Variants in VAT1L observed in about 807,000 individuals in gnomAD.
The protein encoded by VAT1L is vesicle amine transport 1 like, also known as putative NADPH-dependent quinone oxidoreductase VAT1L.
Under a neutral mutation model 44.1 loss-of-function variants are expected in VAT1L, and 34 were observed. That is an observed-to-expected ratio of 0.77 (90% CI 0.59 to 1.03). The LOEUF is 1.03. Ranked by LOEUF, VAT1L falls within the 50% of genes least tolerant of loss-of-function variation. The probability of loss-of-function intolerance (pLI) is 0.00; values close to 1 mark genes in which losing one functional copy is unlikely to be tolerated. For missense variants in VAT1L, 615 were observed against 538.8 expected, an observed-to-expected ratio of 1.14 and a Z score of -1.40; for synonymous variants, 253 against 202.2, an observed-to-expected ratio of 1.25 and a Z score of -2.13.
At chr16:77,856,511 A>G (rs2016860739) in intron 3 of VAT1L, among the ~76,000 whole-genome samples, 2 of 152,206 alleles carry the variant, frequency 1.3e-5, no homozygotes, top group South Asian at 2.1e-4. Context: ...GTAAGCCTTT[A>G]AAGAGATGAA....
chr16:77,893,767 A>G (rs1019359978), intron 7 of VAT1L, among the ~76,000 whole-genome samples: 3 of 152,186 alleles, frequency 2.0e-5, no homozygotes, highest in Admixed American at 1.3e-4. Context: ...ATACTTGCCC[A>G]TAGTCCCTGC....
chr16:77,853,093 G>C (rs981231380), intron 3 of VAT1L, among the ~76,000 whole-genome samples: 1 of 152,214 alleles, frequency 6.6e-6, no homozygotes, highest in Non-Finnish European at 1.5e-5. Flanking sequence ...AGCAGTCTAA[G>C]TAGAAGAAAA....
intron 1 of VAT1L, among the ~76,000 whole-genome samples, chr16:77,798,009 A>G (rs573951748): frequency 2.0e-5 from 3 of 152,196 alleles, no homozygotes; most frequent in Admixed American, 2.0e-4. Context: ...TGAACATGAT[A>G]TTTTCCTGAT....
Position 77,853,183 on chromosome 16 carries a change from G to A in VAT1L, c.580-9565G>A, listed in dbSNP as rs575064276. ...GGAAAACCCGGTGCACCGTGGCCAA[G>A]CATCAAGAGCCTCAGAGCCTGCTAA... is the stretch of plus-strand genomic sequence containing the variant. On this transcript the variant is annotated intron_variant, in intron 3 of 8. Coordinates refer to ENST00000302536, the MANE Select transcript of VAT1L (RefSeq NM_020927.3). 3.9e-5 allele frequency among the ~76,000 whole-genome samples: 6 copies of A among 152,336 alleles called. No individual in the cohort carries two copies. The East Asian group carries it at 5.8e-4, about 15-fold the overall frequency.
intron 1 of VAT1L, among the ~76,000 whole-genome samples, chr16:77,794,779 G>C (rs963809426): frequency 6.6e-6 from 1 of 152,164 alleles, no homozygotes; most frequent in African/African-American, 2.4e-5. Context: ...CAGGATTTGA[G>C]AGGAAAGGAT....
intron 7 of VAT1L, among the ~76,000 whole-genome samples, chr16:77,939,000 T>C (rs1392794087): frequency 6.6e-6 from 1 of 152,118 alleles, no homozygotes; most frequent in African/African-American, 2.4e-5. Flanking sequence ...AATGAGACTT[T>C]AAACCTTTCC....
intron 2 of VAT1L, among the ~76,000 whole-genome samples, chr16:77,819,019 A>C (rs184330622): frequency 6.6e-6 from 1 of 152,124 alleles, no homozygotes; most frequent in Non-Finnish European, 1.5e-5. Flanking sequence ...TTCTTAGCAG[A>C]ATCAAATAAT....
intron 7 of VAT1L, chr16:77,892,673 G>T: frequency 1.4e-6 from 1 of 721,840 alleles, no homozygotes; most frequent in Non-Finnish European, 2.6e-6. Flanking sequence ...GAAATTAGAT[G>T]ATGAGAACTT....
intron 3 of VAT1L, among the ~76,000 whole-genome samples, chr16:77,833,108 T>G (rs1419492984): frequency 1.3e-5 from 2 of 152,208 alleles, no homozygotes; most frequent in Non-Finnish European, 2.9e-5. Context: ...TGTGATTCAT[T>G]CATTTACTTA....
intron 4 of VAT1L, among the ~76,000 whole-genome samples, chr16:77,865,147 G>A (rs1020454290): frequency 6.6e-6 from 1 of 151,732 alleles, no homozygotes; most frequent in South Asian, 2.1e-4. Flanking sequence ...CTAATTTTTT[G>A]TATTTTTAGT....
chr16:77,910,457 G>C (rs1464626700), intron 7 of VAT1L, among the ~76,000 whole-genome samples: 2 of 152,192 alleles, frequency 1.3e-5, no homozygotes, highest in African/African-American at 4.8e-5. Flanking sequence ...CGAATCACAA[G>C]GTCAGGAGAT....
intron 7 of VAT1L, among the ~76,000 whole-genome samples, chr16:77,946,279 C>CGTTTTTTTTTTTTTTTTTTTTTTTTTTT (rs1223152362): frequency 1.4e-5 from 1 of 70,428 alleles, no homozygotes; most frequent in African/African-American, 5.3e-5. Flanking sequence ...GTTACTTGTT[C>CGTTTTTTTTTTTTTTTTTTTTTTTTTTT]TTTTTTTTTT....
In VAT1L at chr16:77,926,382, G is replaced by A. The variant is rs368972041; in HGVS notation, c.1077+41580G>A. Among the ~76,000 whole-genome samples, 265 of 151,754 alleles carry A rather than the reference G, an allele frequency of 1.7e-3. 3 individuals carry two copies. The highest frequency in any genetic ancestry group is 5.7e-3 in the African/African-American group (235 of 41,362). On this transcript the variant is annotated intron_variant, in intron 7 of 8. Transcript: ENST00000302536. The stretch of plus-strand genomic sequence containing the variant: ...CAGATCGCCTAAGGACAGGTGTTTC[G>A]AAACCAGCCTGGCCAACATGGTGAA...
chr16:77,914,598 T>C (rs2017532569), intron 7 of VAT1L, among the ~76,000 whole-genome samples: 1 of 152,244 alleles, frequency 6.6e-6, no homozygotes, highest in Admixed American at 6.5e-5. Context: ...AGGTTACAGT[T>C]CATTGAATGA....
At chr16:77,964,971 G>T (rs547488866) in intron 7 of VAT1L, among the ~76,000 whole-genome samples, 1 of 151,762 alleles carries the variant, frequency 6.6e-6, no homozygotes, top group Non-Finnish European at 1.5e-5. Context: ...TGTATTTTTA[G>T]TAGAGACAGG....
chr16:77,857,379 TAC>T (rs1250742587), intron 3 of VAT1L, among the ~76,000 whole-genome samples: 2 of 152,152 alleles, frequency 1.3e-5, no homozygotes, highest in African/African-American at 4.8e-5. Flanking sequence ...GAAGGGAGAA[TAC>T]AGATTTTCTA....
In VAT1L at chr16:77,876,425, G is replaced by T; in HGVS notation, c.778G>T (p.Gly260Ter). Residue 260 changes from glycine (G) to a stop codon, truncating the protein, a stop_gained, in exon 5 of 9, where the codon GGA becomes TGA. Transcript: ENST00000302536. LOFTEE classifies it high-confidence loss of function. The part of the protein sequence containing the change: ...VLDCLCGDNT[G>*]KGLSLLKPLG... The stretch of plus-strand genomic sequence containing the variant: ...GGATTGCCTCTGTGGGGACAACACT[G>T]GAAAAGGTCTCAGTCTTCTCAAACC... 6.2e-7 allele frequency: 1 copy of T among 1,614,172 alleles called. No individual in the cohort carries two copies.
At chr16:77,876,773 G>A (rs909597299) in intron 5 of VAT1L, among the ~76,000 whole-genome samples, 7 of 152,198 alleles carry the variant, frequency 4.6e-5, no homozygotes, top group Non-Finnish European at 1.0e-4. Flanking sequence ...AGCACAGGTG[G>A]AAAATATGAA....
intron 3 of VAT1L, among the ~76,000 whole-genome samples, chr16:77,839,578 C>CAAA (rs2016682113): frequency 9.8e-6 from 1 of 101,944 alleles, no homozygotes; most frequent in African/African-American, 3.9e-5. Flanking sequence ...AAAGAATGGG[C>CAAA]AAGAACATGA....
Sources: allele counts gnomAD v4.1 joint callset (sites outside exome capture counted in the v4.1 genomes callset), GRCh38; gene constraint gnomAD v4.1.1; transcripts MANE v1.5; gene names NCBI Gene and HGNC (gene_info 2026-07-23, HGNC 2026-07-21).